IFT52: variants seen among roughly 807,000 people sequenced by gnomAD.
The protein encoded by IFT52 is intraflagellar transport protein 52 homolog.
Under a neutral mutation model 54.4 loss-of-function variants are expected in IFT52, and 44 were observed. The ratio of observed to expected loss-of-function variants is 0.81; its 90% CI spans 0.63 to 1.04. The LOEUF (loss-of-function observed/expected upper bound fraction) is 1.04, where lower values mean the gene tolerates loss of function less well. Among genes scored for constraint, IFT52 ranks in the 50% least tolerant of loss-of-function variants. The pLI is 0.00. For synonymous variants in IFT52, 181 were observed against 185.3 expected, an observed-to-expected ratio of 0.98 and a Z score of 0.19; for missense variants, 452 against 523.6, an observed-to-expected ratio of 0.86 and a Z score of 1.33.
chr20:43,630,843 A>G (rs765499821), intron 10 of IFT52, among the ~76,000 whole-genome samples: 4 of 152,220 alleles, frequency 2.6e-5, no homozygotes, highest in Non-Finnish European at 5.9e-5. Flanking sequence ...CCCGGTTCCC[A>G]TCAAGCCATG....
chr20:43,646,828 T>G (rs1986232437), intron 13 of IFT52, 108 bp from the exon 14 acceptor site: 1 of 945,816 alleles, frequency 1.1e-6, no homozygotes, highest in South Asian at 1.4e-5. Context: ...TATGTATATG[T>G]CCTAATTAAT....
chr20:43,606,273 CTTTT>C (rs1173335571), intron 6 of IFT52, among the ~76,000 whole-genome samples: 2 of 134,932 alleles, frequency 1.5e-5, no homozygotes. Flanking sequence ...AAATGAACAT[CTTTT>C]TTTTTTTTTT....
At chr20:43,617,882 T>A (rs955676996) in intron 7 of IFT52, among the ~76,000 whole-genome samples, 1 of 151,966 alleles carries the variant, frequency 6.6e-6, no homozygotes, top group South Asian at 2.1e-4. Context: ...GCTGTGGGAG[T>A]ACAGGTGCGT....
At chr20:43,604,805 A>G (rs555702375) in intron 5 of IFT52, among the ~76,000 whole-genome samples, 197 bp from the exon 6 acceptor site, 3 of 151,836 alleles carry the variant, frequency 2.0e-5, no homozygotes, top group East Asian at 1.9e-4. Context: ...GTTTATATAT[A>G]TATGTATTTT....
rs536197436 is a variant in IFT52, at chr20:43,618,626, C to A, written c.613-314C>A. Among the ~76,000 whole-genome samples the A allele has an allele frequency of 6.1e-5, 9 of 148,722 alleles. 1 individual carries two copies. In the South Asian group the frequency reaches 1.5e-3, roughly 25 times the overall value. ...CCTCCCGAGTAGCTGGGACTACAGG[C>A]GCATGCCACCACACCTGGCTGATTT... On this transcript the variant is annotated intron_variant, in intron 7 of 13. Transcript: ENST00000373030.
At position 43,613,888 on chromosome 20, in the gene IFT52, G is replaced by A. The variant is rs1983647588; in HGVS notation, c.524G>A (p.Ser175Asn). 2 of 1,613,960 alleles carry A rather than the reference G, an allele frequency of 1.2e-6. No homozygotes were observed. The highest frequency in any genetic ancestry group is 2.7e-5 in the African/African-American group (2 of 74,932). Residue 175 changes from serine to asparagine, a missense_variant, in exon 7 of 14, where the codon AGT becomes AAT. Physicochemically the swap from Ser to Asn is conservative, Grantham distance 46 (BLOSUM62 1). Transcript: ENST00000373030. The part of the protein sequence containing the change: ...TFVYPFGATL[S>N]VMKPAVAVLS... ...GTGTATCCTTTTGGTGCCACATTGA[G>A]TGTCATGAAACCAGCAGTGGCGGTT...
chr20:43,647,101 G>A lies in IFT52; in HGVS notation c.*118G>A. On this transcript the variant is annotated 3_prime_UTR_variant, in exon 14 of 14. Transcript: ENST00000373030. Reference sequence around the variant, plus strand: ...TACACTCTTTCCTCCATGAGCTCTGGAAGGTATATGCATCTTCTGTAATAC... The same window carrying A: ...TACACTCTTTCCTCCATGAGCTCTGAAAGGTATATGCATCTTCTGTAATAC... The A allele has an allele frequency of 2.3e-6, 2 of 851,636 alleles. No individual in the cohort carries two copies. Among genetic ancestry groups the A allele is most frequent in the Non-Finnish European group, 4.0e-6 (2 of 499,540 alleles). The allele number at this position is 851,636 out of a possible 1,614,324, so 52.8% of individuals were successfully genotyped here. A position where few individuals can be genotyped will look rare whatever the true frequency, so the allele number is the denominator to read the frequency against.
At chr20:43,607,602 T>C (rs1161234659) in intron 6 of IFT52, among the ~76,000 whole-genome samples, 4 of 128,774 alleles carry the variant, frequency 3.1e-5, no homozygotes, top group African/African-American at 1.2e-4. Context: ...CCGCACTTCC[T>C]AAATGGGATG....
At chr20:43,599,673 G>T (rs80117038) in intron 3 of IFT52, among the ~76,000 whole-genome samples, 3 of 152,098 alleles carry the variant, frequency 2.0e-5, no homozygotes, top group Non-Finnish European at 4.4e-5. Context: ...GCTGTGTGAT[G>T]CCTTTTTCAT....
chr20:43,619,426 T>G (rs529308555), intron 8 of IFT52, among the ~76,000 whole-genome samples: 2 of 152,270 alleles, frequency 1.3e-5, no homozygotes, highest in South Asian at 2.1e-4. Flanking sequence ...TTCTTCTTTT[T>G]TTGTTGTTGT....
intron 8 of IFT52, among the ~76,000 whole-genome samples, chr20:43,620,633 G>A (rs956179045): frequency 6.6e-6 from 1 of 152,182 alleles, no homozygotes; most frequent in East Asian, 1.9e-4. Context: ...TCTAACCAGG[G>A]CGACGGAGCG....
intron 10 of IFT52, among the ~76,000 whole-genome samples, chr20:43,635,350 G>A (rs938108646): frequency 1.3e-5 from 2 of 151,950 alleles, no homozygotes; most frequent in East Asian, 1.9e-4. Context: ...GAGTGCAATC[G>A]CACGATCTCT....
chr20:43,645,936 G>A lies in IFT52; in HGVS notation c.1267-1000G>A, dbSNP rs6031016. 2.6e-3 allele frequency among the ~76,000 whole-genome samples: 337 copies of A among 127,488 alleles called. 128 individuals are homozygous for A. The highest frequency in any genetic ancestry group is 9.0e-3 in the African/African-American group (316 of 35,026). 83.6% of individuals were successfully genotyped at this position (127,488 alleles called of 152,430 possible). A position where few individuals can be genotyped will look rare whatever the true frequency, so the allele number is the denominator to read the frequency against. ...TTAAAATTTCTATAGTGGGCCGGGC[G>A]CGGTGGCTCACGCCTGTAATCCCAG... is the stretch of plus-strand genomic sequence containing the variant. On this transcript the variant is annotated intron_variant, in intron 13 of 13. Transcript: ENST00000373030.
intron 10 of IFT52, among the ~76,000 whole-genome samples, chr20:43,627,057 C>T (rs1478608948): frequency 2.0e-5 from 3 of 151,910 alleles, no homozygotes; most frequent in Non-Finnish European, 2.9e-5. Flanking sequence ...GTCCCAGCTA[C>T]TCGGGAGGGT....
chr20:43,603,120 A>T (rs1408551787), intron 3 of IFT52, among the ~76,000 whole-genome samples: 1 of 152,034 alleles, frequency 6.6e-6, no homozygotes, highest in Non-Finnish European at 1.5e-5. Context: ...CCCACCCCAG[A>T]TTTTCTCAGG....
Position 43,642,566 on chromosome 20 carries a change from C to T in IFT52, c.1208C>T (p.Ala403Val), listed in dbSNP as rs756984764. 6.2e-7 allele frequency: 1 copy of T among 1,614,098 alleles called. No homozygotes were observed. The highest frequency in any genetic ancestry group is 1.1e-5 in the South Asian group (1 of 91,076). Residue 403 changes from alanine (A) to valine (V), a missense_variant, in exon 13 of 14, where the codon GCC (alanine) becomes GTC (valine). Coordinates refer to ENST00000373030, the MANE Select transcript of IFT52 (RefSeq NM_016004.5). ...AAACTACCAAAGGACCAACAGGATGCCAAACATATCCTTGAGCACGTCTTC... is the reference window on the plus strand; with the variant it reads ...AAACTACCAAAGGACCAACAGGATGTCAAACATATCCTTGAGCACGTCTTC... ...TSKLPKDQQDAKHILEHVFFQ... is the reference protein window; with the variant it reads ...TSKLPKDQQDVKHILEHVFFQ...
intron 9 of IFT52, among the ~76,000 whole-genome samples, chr20:43,622,745 A>G (rs6030991): frequency 3.2e-5 from 4 of 126,808 alleles, no homozygotes; most frequent in African/African-American, 1.2e-4. Context: ...ACATATTTTT[A>G]TGTAAATATA....
intron 1 of IFT52, among the ~76,000 whole-genome samples, 180 bp from the exon 2 acceptor site, chr20:43,594,513 G>A (rs1351092116): frequency 6.6e-6 from 1 of 152,040 alleles, no homozygotes; most frequent in Admixed American, 6.6e-5. Context: ...TTGGTCTTAG[G>A]TTTCTGTGCT....
chr20:43,636,017 A>G lies in IFT52; in HGVS notation c.1011+4A>G. 6.2e-7 allele frequency: 1 copy of G among 1,613,910 alleles called. No individual in the cohort carries two copies. Among genetic ancestry groups the G allele is most frequent in the Non-Finnish European group, 8.5e-7 (1 of 1,179,844 alleles). On this transcript the variant is annotated splice_donor_region_variant and intron_variant, in intron 11 of 13. Coordinates refer to ENST00000373030, the MANE Select transcript of IFT52 (RefSeq NM_016004.5). ...GCTGCCAACCCTTCAGCCTGCGGTG[A>G]GTAGGTGTGCTTGGGAGATCCCACT...
Sources: gnomAD v4.1 joint callset for allele counts (sites outside exome capture counted in the v4.1 genomes callset) on GRCh38, gnomAD v4.1.1 for gene constraint, MANE v1.5 for transcripts, NCBI Gene and HGNC (gene_info 2026-07-23, HGNC 2026-07-21) for gene names.